PCDH11X: variants seen among roughly 807,000 people sequenced by gnomAD.
PCDH11X encodes protocadherin 11 X-linked.
In PCDH11X, 18 loss-of-function variants were observed where a neutral mutation model predicts 53.3. The ratio of observed to expected loss-of-function variants is 0.34; its 90% CI spans 0.23 to 0.50. The LOEUF (loss-of-function observed/expected upper bound fraction) is 0.50, where lower values mean the gene tolerates loss of function less well. Ranked by LOEUF, PCDH11X falls within the 20% of genes least tolerant of loss-of-function variation. PCDH11X has a pLI of 0.98. For missense variants in PCDH11X, 570 were observed against 1,032.4 expected, an observed-to-expected ratio of 0.55 and a Z score of 6.14; for synonymous variants, 279 against 393.3, an observed-to-expected ratio of 0.71 and a Z score of 3.44.
chrX:92,367,439 C>T (rs1164340545), intron 8 of PCDH11X, among the ~76,000 whole-genome samples: 1 of 111,105 alleles, frequency 9.0e-6, no homozygotes, highest in South Asian at 3.8e-4. Context: ...TGGGTCTTGA[C>T]TCTTAATCCA....
At chrX:92,068,755 G>A in intron 6 of PCDH11X, among the ~76,000 whole-genome samples, 1 of 110,137 alleles carries the variant, frequency 9.1e-6, no homozygotes, top group Non-Finnish European at 1.9e-5. Context: ...GGCCAGGCTG[G>A]TCTTGAACTC....
intron 10 of PCDH11X, among the ~76,000 whole-genome samples, chrX:92,594,374 A>G (rs1925349625): frequency 9.0e-6 from 1 of 111,438 alleles, no homozygotes; most frequent in Non-Finnish European, 1.9e-5. Flanking sequence ...TATCAAAATC[A>G]TACAGGAAGC....
chrX:92,596,378 T>C (rs563667138), intron 10 of PCDH11X, among the ~76,000 whole-genome samples: 1 of 107,700 alleles, frequency 9.3e-6, no homozygotes, highest in East Asian at 2.9e-4. Context: ...CAAAGGGGGA[T>C]TGAAACAACC....
At chrX:91,936,803 T>C (rs1258855596) in intron 6 of PCDH11X, among the ~76,000 whole-genome samples, 1 of 108,348 alleles carries the variant, frequency 9.2e-6, no homozygotes, top group Non-Finnish European at 1.9e-5. Context: ...GAAATGATCG[T>C]AATTGAATGG....
At chrX:92,103,240 A>G (rs1452079208) in intron 6 of PCDH11X, among the ~76,000 whole-genome samples, 1 of 110,771 alleles carries the variant, frequency 9.0e-6, no homozygotes, top group Admixed American at 9.7e-5. Context: ...GGGCAGGTGG[A>G]GATAACTAAA....
chrX:92,475,104 G>T (rs2073350681), intron 10 of PCDH11X, among the ~76,000 whole-genome samples: 1 of 87,923 alleles, frequency 1.1e-5, no homozygotes, highest in Non-Finnish European at 2.1e-5. Context: ...GGCGGAGCTT[G>T]CAGTGAGCCG....
chrX:91,833,313 T>G (rs1310017145), intron 4 of PCDH11X, among the ~76,000 whole-genome samples: 1 of 111,278 alleles, frequency 9.0e-6, no homozygotes, highest in Non-Finnish European at 1.9e-5. Flanking sequence ...TACATATATG[T>G]GTGCATATTA....
chrX:92,330,200 T>C (rs2069431688), intron 8 of PCDH11X, among the ~76,000 whole-genome samples: 1 of 110,675 alleles, frequency 9.0e-6, no homozygotes, highest in Non-Finnish European at 1.9e-5. Context: ...AAATCTCATA[T>C]TTGCTAAAGA....
intron 6 of PCDH11X, among the ~76,000 whole-genome samples, chrX:91,949,005 C>T (rs1334898345): frequency 9.1e-6 from 1 of 110,406 alleles, no homozygotes; most frequent in Non-Finnish European, 1.9e-5. Flanking sequence ...GATCAGGTCT[C>T]GTCGAGCAGA....
intron 6 of PCDH11X, among the ~76,000 whole-genome samples, chrX:91,893,768 C>G (rs1298084805): frequency 1.8e-5 from 2 of 110,314 alleles, no homozygotes; most frequent in African/African-American, 6.6e-5. Flanking sequence ...TATGTATGTC[C>G]AAATTATAAC....
chrX:92,459,899 A>C (rs1313762162), intron 9 of PCDH11X: 1 of 1,166,155 alleles, frequency 8.6e-7, no homozygotes, highest in Non-Finnish European at 1.2e-6. Context: ...GGAGGCATCC[A>C]GAACAAGAAG....
chrX:92,243,520 T>C (rs2067297739), intron 7 of PCDH11X, among the ~76,000 whole-genome samples: 1 of 111,203 alleles, frequency 9.0e-6, no homozygotes, highest in African/African-American at 3.3e-5. Flanking sequence ...TTAATAGGCC[T>C]TAATGTAAGG....
intron 7 of PCDH11X, among the ~76,000 whole-genome samples, chrX:92,209,059 A>G (rs1205936732): frequency 9.0e-6 from 1 of 111,336 alleles, no homozygotes; most frequent in Non-Finnish European, 1.9e-5. Flanking sequence ...ACCTTCTACC[A>G]GGTCCCTCCC....
chrX:92,505,889 C>T (rs772120460), intron 10 of PCDH11X, among the ~76,000 whole-genome samples: 1 of 111,210 alleles, frequency 9.0e-6, no homozygotes, highest in South Asian at 3.7e-4. Context: ...TCTCTGGTTA[C>T]CTGTATTCCT....
chrX:92,152,680 C>CA (rs1318123599), intron 6 of PCDH11X, among the ~76,000 whole-genome samples: 2 of 110,668 alleles, frequency 1.8e-5, no homozygotes, highest in East Asian at 5.7e-4. Flanking sequence ...TCTTCATTAG[C>CA]AAAAAACTAA....
intron 6 of PCDH11X, among the ~76,000 whole-genome samples, chrX:91,934,461 A>G (rs1433658597): frequency 3.6e-5 from 4 of 110,890 alleles, no homozygotes; most frequent in South Asian, 3.8e-4. Context: ...GTTCCTTGCT[A>G]AAATCGGAAA....
intron 6 of PCDH11X, among the ~76,000 whole-genome samples, chrX:92,048,601 G>T (rs1325717889): frequency 9.0e-6 from 1 of 111,449 alleles, no homozygotes; most frequent in African/African-American, 3.3e-5. Context: ...TTTAATAAAT[G>T]ATTTAGAGGA....
intron 1 of PCDH11X, among the ~76,000 whole-genome samples, chrX:91,794,920 T>C (rs1040377361): frequency 3.6e-5 from 4 of 109,938 alleles, no homozygotes; most frequent in Middle Eastern, 4.3e-3. Context: ...TCTCATGATA[T>C]CTGATGGTTT....
chrX:92,091,495 C>T (rs944848369), intron 6 of PCDH11X, among the ~76,000 whole-genome samples: 2 of 111,203 alleles, frequency 1.8e-5, no homozygotes, highest in Non-Finnish European at 3.8e-5. Flanking sequence ...GGCCATGGCC[C>T]GTGACACAGC....
Sources: allele counts gnomAD v4.1 joint callset (sites outside exome capture counted in the v4.1 genomes callset), GRCh38; gene constraint gnomAD v4.1.1; transcripts MANE v1.5; gene names NCBI Gene and HGNC (gene_info 2026-07-23, HGNC 2026-07-21).